C16orf89: variants seen among roughly 807,000 people sequenced by gnomAD.
The protein encoded by C16orf89 is chromosome 16 open reading frame 89.
In C16orf89, 57 loss-of-function variants were observed where a neutral mutation model predicts 41.5. The observed-to-expected ratio is 1.38, with a 90% CI of 1.11 to 1.71. The LOEUF (loss-of-function observed/expected upper bound fraction) is 1.71, where lower values mean the gene tolerates loss of function less well. Among genes scored for constraint, C16orf89 ranks in the 40% most tolerant of loss-of-function variants. The pLI, the probability that C16orf89 is intolerant of heterozygous loss-of-function variation, is 0.00. For synonymous variants in C16orf89, 223 were observed against 190.6 expected (o/e 1.17, Z -1.40); for missense variants, 575 against 445.9 (o/e 1.29, Z -2.61).
In C16orf89 at chr16:5,055,938, C is replaced by CGTGTGTGTGTGTGTGT. The variant is rs531301214; in HGVS notation, c.763+99_763+114dup. The CGTGTGTGTGTGTGTGT allele has an allele frequency of 1.3e-4, 115 of 908,416 alleles. 2 individuals carry two copies. Among genetic ancestry groups the CGTGTGTGTGTGTGTGT allele is most frequent in the East Asian group, 1.1e-3 (34 of 29,962 alleles). The allele number at this position is 908,416 out of a possible 1,614,324, so 56.3% of individuals were successfully genotyped here. A position where few individuals can be genotyped will look rare whatever the true frequency, so the allele number is the denominator to read the frequency against. ...TTTTACTTGCTTAATCTGGCAACTC[C>CGTGTGTGTGTGTGTGT]GTGTGTGTGTGTGTGTGTGTGTGTG... On this transcript the variant is annotated intron_variant, in intron 5 of 7. Transcript: ENST00000472572.
intron 5 of C16orf89, chr16:5,055,654 C>T: frequency 6.6e-7 from 1 of 1,520,040 alleles, no homozygotes; most frequent in Non-Finnish European, 8.8e-7. Context: ...TCTGCCTCAT[C>T]CATAAGGCTT....
At chr16:5,052,961 C>G (rs900541096) in intron 6 of C16orf89, among the ~76,000 whole-genome samples, 1 of 152,186 alleles carries the variant, frequency 6.6e-6, no homozygotes, top group Non-Finnish European at 1.5e-5. Context: ...TAACCAAATT[C>G]TTTCATTCAT....
At chr16:5,052,108 A>G (rs2142623912) in intron 6 of C16orf89, among the ~76,000 whole-genome samples, 1 of 151,562 alleles carries the variant, frequency 6.6e-6, no homozygotes, top group African/African-American at 2.4e-5. Context: ...TCAAAAAAAA[A>G]AAAAAAAAAA....
chr16:5,065,528 C>G (rs1956721491), intron 1 of C16orf89, among the ~76,000 whole-genome samples, 173 bp downstream of exon 1: 2 of 152,226 alleles, frequency 1.3e-5, no homozygotes, highest in Admixed American at 1.3e-4. Context: ...TAACAGTTAG[C>G]TGGGCCACAG....
intron 5 of C16orf89, 140 bp downstream of exon 5, chr16:5,055,913 T>C: frequency 1.6e-6 from 2 of 1,280,104 alleles, no homozygotes; most frequent in South Asian, 2.8e-5. Context: ...CACTCTGTAT[T>C]TTTACTTGCT....
rs562404040 is a variant in C16orf89, at chr16:5,055,732, G to A, written c.763+321C>T. ...TCCGTCACTGGGGCAGCCTTTGGGG[G>A]CAGGAAACTGTCACACAGTGGCAGG... is the stretch of plus-strand genomic sequence containing the variant. On this transcript the variant is annotated intron_variant, in intron 5 of 7. Transcript: ENST00000472572. 1.4e-5 allele frequency: 22 copies of A among 1,518,536 alleles called. No homozygotes were observed. In the South Asian group the frequency reaches 2.6e-4, roughly 18 times the overall value. 94.1% of individuals were successfully genotyped at this position (1,518,536 alleles called of 1,614,324 possible).
At chr16:5,065,448 T>G (rs963039139) in intron 1 of C16orf89, among the ~76,000 whole-genome samples, 3 of 152,218 alleles carry the variant, frequency 2.0e-5, no homozygotes, top group Non-Finnish European at 2.9e-5. Flanking sequence ...CATTTCATTC[T>G]GAGAAAAAGA....
At chr16:5,053,439 A>T (rs1220889864) in intron 6 of C16orf89, among the ~76,000 whole-genome samples, 4 of 151,968 alleles carry the variant, frequency 2.6e-5, no homozygotes, top group African/African-American at 9.7e-5. Context: ...GAGAGGAGAT[A>T]ACCAGAGGTT....
At chr16:5,054,668 C>A (rs1183532656) in intron 6 of C16orf89, among the ~76,000 whole-genome samples, 1 of 152,206 alleles carries the variant, frequency 6.6e-6, no homozygotes, top group Non-Finnish European at 1.5e-5. Flanking sequence ...CAAGTCTCAT[C>A]TTGAATTGTA....
chr16:5,062,107 C>T lies in C16orf89; in HGVS notation c.358+318G>A, dbSNP rs138594299. 2.6e-5 allele frequency among the ~76,000 whole-genome samples: 4 copies of T among 152,356 alleles called. No homozygotes were observed. The East Asian group carries it at 7.7e-4, about 29-fold the overall frequency. On this transcript the variant is annotated intron_variant, in intron 2 of 7. Transcript: ENST00000472572. ...GGTTGAATTGCCTTTTGGATACTCT[C>T]CCCTCTGGGACAGCCCAGCCTCTCC...
intron 1 of C16orf89, among the ~76,000 whole-genome samples, chr16:5,063,730 C>T (rs1035692164): frequency 6.6e-6 from 1 of 152,210 alleles, no homozygotes; most frequent in East Asian, 1.9e-4. Context: ...TCTCCTATCA[C>T]CCCCAGACGG....
At chr16:5,059,311 C>G (rs764204773) in intron 3 of C16orf89, among the ~76,000 whole-genome samples, 7 of 150,912 alleles carry the variant, frequency 4.6e-5, no homozygotes, top group Non-Finnish European at 8.9e-5. Flanking sequence ...CACACAAATA[C>G]AAAAATTAGC....
At chr16:5,065,626 G>A (rs1567161893) in intron 1 of C16orf89, 75 bp downstream of exon 1, 29 of 1,472,228 alleles carry the variant, frequency 2.0e-5, no homozygotes, top group South Asian at 1.4e-4. Context: ...GGTCCCAGGC[G>A]TACAGAGCAG....
chr16:5,056,557 C>G (rs1478362916), intron 4 of C16orf89, among the ~76,000 whole-genome samples: 2 of 152,156 alleles, frequency 1.3e-5, no homozygotes, highest in African/African-American at 4.8e-5. Flanking sequence ...CTAGGAGGTG[C>G]TCTGTGACCG....
At chr16:5,057,820 T>C (rs1219977787) in intron 4 of C16orf89, among the ~76,000 whole-genome samples, 3 of 151,840 alleles carry the variant, frequency 2.0e-5, no homozygotes. Flanking sequence ...TGAGCCACCG[T>C]GCCCGGCCTC....
chr16:5,044,917 C>T, intron 7 of C16orf89: 1 of 1,229,664 alleles, frequency 8.1e-7, no homozygotes, highest in Non-Finnish European at 1.0e-6. Context: ...TTCGGTGCTC[C>T]CTTAGGCCCC....
chr16:5,046,206 A>G (rs1033760144), intron 7 of C16orf89, among the ~76,000 whole-genome samples: 8 of 152,304 alleles, frequency 5.3e-5, no homozygotes, highest in African/African-American at 1.9e-4. Context: ...GTGGATGATG[A>G]GGCCACAGTG....
rs1241426598 is a variant in C16orf89 at position 5,055,364 on chromosome 16, CG to C, written c.764-15del. 5 of 1,587,140 alleles carry C rather than the reference CG, an allele frequency of 3.2e-6. No homozygotes were observed. The African/African-American group carries it at 5.4e-5, about 17-fold the overall frequency. On this transcript the variant is annotated splice_polypyrimidine_tract_variant and intron_variant, in intron 5 of 7. Transcript: ENST00000472572. ...CACAGAACATGACTGGAAGTAAAGA[CG>C]GGGGCCCTCTGCAGGCCTGCCCCCC...
intron 2 of C16orf89, among the ~76,000 whole-genome samples, chr16:5,060,674 C>T (rs1158764292): frequency 6.6e-6 from 1 of 152,138 alleles, no homozygotes; most frequent in Non-Finnish European, 1.5e-5. Context: ...TTTGACTAAA[C>T]CCACTGCATC....
Sources: gnomAD v4.1 joint callset for allele counts (sites outside exome capture counted in the v4.1 genomes callset) on GRCh38, gnomAD v4.1.1 for gene constraint, MANE v1.5 for transcripts, NCBI Gene and HGNC (gene_info 2026-07-23, HGNC 2026-07-21) for gene names.